CPLANE1: variants seen among roughly 807,000 people sequenced by gnomAD.
CPLANE1 encodes the protein ciliogenesis and planar polarity effector complex subunit 1.
Under a neutral mutation model 362.5 loss-of-function variants are expected in CPLANE1, and 263 were observed. The observed-to-expected ratio is 0.73, with a 90% CI of 0.66 to 0.80. The LOEUF (loss-of-function observed/expected upper bound fraction) is 0.80. CPLANE1 is among the 30% of genes least tolerant of loss of function. CPLANE1 has a pLI of 0.00. For missense variants in CPLANE1, 3,461 were observed against 3,793.4 expected, an observed-to-expected ratio of 0.91 and a Z score of 2.30; for synonymous variants, 1,212 against 1,302.6, an observed-to-expected ratio of 0.93 and a Z score of 1.50.
chr5:37,141,200 T>C, intron 44 of CPLANE1: 5 of 985,392 alleles, frequency 5.1e-6, no homozygotes, highest in Non-Finnish European at 6.0e-6. Flanking sequence ...ATTCTATTTT[T>C]CCTCAAAACC....
chr5:37,234,503 A>T (rs1798489755), intron 8 of CPLANE1, among the ~76,000 whole-genome samples: 1 of 149,626 alleles, frequency 6.7e-6, no homozygotes, highest in Admixed American at 6.6e-5. Flanking sequence ...GACAAAAATA[A>T]GAAAAAAAAA....
chr5:37,247,888 C>T, intron 1 of CPLANE1, 143 bp from the exon 2 acceptor site: 1 of 483,938 alleles, frequency 2.1e-6, no homozygotes, highest in Non-Finnish European at 3.4e-6. Context: ...ACCTCCGCCT[C>T]CCGGATTCAA....
At chr5:37,146,392 T>C (rs1771596952) in intron 43 of CPLANE1, among the ~76,000 whole-genome samples, 2 of 152,112 alleles carry the variant, frequency 1.3e-5, no homozygotes, top group Non-Finnish European at 1.5e-5. Context: ...TTGGCCAGGC[T>C]GGTTTCGAAC....
the CPLANE1 span, among the ~76,000 whole-genome samples, chr5:37,088,796 G>A: frequency 2.6e-5 from 4 of 152,100 alleles, no homozygotes; most frequent in Admixed American, 6.5e-5. Flanking sequence ...GGTTGCAACC[G>A]GGATCTGGGG....
At chr5:37,123,948 C>CACAA (rs1370161802) in intron 47 of CPLANE1, among the ~76,000 whole-genome samples, 1 of 151,794 alleles carries the variant, frequency 6.6e-6, no homozygotes, top group African/African-American at 2.4e-5. Context: ...CACACACACA[C>CACAA]ACACACACAC....
At position 37,175,898 on chromosome 5, in the gene CPLANE1, A is replaced by C; in HGVS notation, c.5978+11T>G. ...CTATTTTTAAATGGTATAGTAGGCA[A>C]AACTTCTTACCTAGAAATTTCTGAA... On this transcript the variant is annotated intron_variant, in intron 31 of 52. Coordinates refer to ENST00000651892, the MANE Select transcript of CPLANE1 (RefSeq NM_001384732.1). 2 of 1,600,924 alleles carry C rather than the reference A, an allele frequency of 1.2e-6. No individual in the cohort carries two copies. The highest frequency in any genetic ancestry group is 8.6e-7 in the Non-Finnish European group (1 of 1,168,772).
the CPLANE1 span, among the ~76,000 whole-genome samples, chr5:37,093,437 C>CGTGTTGTT: frequency 6.6e-6 from 1 of 152,070 alleles, no homozygotes; most frequent in African/African-American, 2.4e-5. Context: ...TGAAACAACA[C>CGTGTTGTT]CTCTGGGGAA....
intron 43 of CPLANE1, among the ~76,000 whole-genome samples, chr5:37,144,837 C>G (rs1341989856): frequency 2.9e-5 from 4 of 139,174 alleles, no homozygotes; most frequent in Non-Finnish European, 6.1e-5. Flanking sequence ...GGTGACAGAG[C>G]GAGACTCTGT....
chr5:37,112,633 T>G (rs1048332156), intron 51 of CPLANE1, among the ~76,000 whole-genome samples: 1 of 152,188 alleles, frequency 6.6e-6, no homozygotes, highest in Non-Finnish European at 1.5e-5. Context: ...CACCAAACAG[T>G]GTCTACAGAG....
At chr5:37,228,503 C>A (rs1796953234) in intron 9 of CPLANE1, among the ~76,000 whole-genome samples, 1 of 152,052 alleles carries the variant, frequency 6.6e-6, no homozygotes, top group Non-Finnish European at 1.5e-5. Flanking sequence ...ATACACCCCA[C>A]AGACTTCTGT....
chr5:37,223,856 C>T (rs532199196), intron 14 of CPLANE1, among the ~76,000 whole-genome samples: 2 of 145,836 alleles, frequency 1.4e-5, no homozygotes, highest in East Asian at 4.1e-4. Context: ...CTCTAAATGA[C>T]AAAAAAAAAA....
intron 41 of CPLANE1, 82 bp downstream of exon 41, chr5:37,157,231 T>C: frequency 1.3e-6 from 1 of 756,904 alleles, no homozygotes; most frequent in Non-Finnish European, 2.0e-6. Flanking sequence ...CTGGTTTCTT[T>C]TGCAATTACC....
In CPLANE1 at chr5:37,121,805, A is replaced by G. The variant is rs368643781; in HGVS notation, c.9018-21T>C. 32 of 1,600,772 alleles carry G rather than the reference A, an allele frequency of 2.0e-5. No individual in the cohort carries two copies. The African/African-American group carries it at 4.0e-4, about 20-fold the overall frequency. ...GCAATCTGTAGACAAAGAATTAAGC[A>G]TCATTTATTAAGAGTCACTTTCAGT... On this transcript the variant is annotated intron_variant, in intron 48 of 52. Coordinates refer to ENST00000651892, the MANE Select transcript of CPLANE1 (RefSeq NM_001384732.1).
At chr5:37,111,312 G>A (rs1384042725) in intron 51 of CPLANE1, among the ~76,000 whole-genome samples, 1 of 150,502 alleles carries the variant, frequency 6.6e-6, no homozygotes, top group East Asian at 1.9e-4. Context: ...TTTTAGTAGA[G>A]ACGGGGTTTC....
At chr5:37,182,475 T>C (rs982228389) in intron 26 of CPLANE1, among the ~76,000 whole-genome samples, 4 of 152,180 alleles carry the variant, frequency 2.6e-5, no homozygotes, top group East Asian at 1.9e-4. Context: ...AGAAATAATA[T>C]ACGTGTAATA....
chr5:37,160,271 C>G (rs1184538324), intron 38 of CPLANE1, among the ~76,000 whole-genome samples: 1 of 152,082 alleles, frequency 6.6e-6, no homozygotes, highest in Non-Finnish European at 1.5e-5. Flanking sequence ...GAATGTTTCT[C>G]AGTTCCGATG....
chr5:37,209,711 A>T lies in CPLANE1; in HGVS notation c.2921-3286T>A. 1 of 1,240,434 alleles carries T rather than the reference A, an allele frequency of 8.1e-7. No individual in the cohort carries two copies. The highest frequency in any genetic ancestry group is 1.2e-6 in the Non-Finnish European group (1 of 841,864). The allele number at this position is 1,240,434 out of a possible 1,614,324, so 76.8% of individuals were successfully genotyped here. A position where few individuals can be genotyped will look rare whatever the true frequency, so the allele number is the denominator to read the frequency against. On this transcript the variant is annotated intron_variant, in intron 16 of 52. Transcript: ENST00000651892. This position sits in a 1 kb window ranked among gnomAD's most constrained non-coding sequence, Gnocchi z 4.6. ...TGCAGGATCTATTACAACTCATTAA[A>T]ATCAACCCTACTTCCAGTCTGTACA...
intron 10 of CPLANE1, 75 bp from the exon 11 acceptor site, chr5:37,227,467 T>C: frequency 1.4e-6 from 2 of 1,478,740 alleles, no homozygotes; most frequent in Non-Finnish European, 9.0e-7. Flanking sequence ...TTAAAAATTC[T>C]ATAGACAACT....
At chr5:37,078,764 G>C in the CPLANE1 span, among the ~76,000 whole-genome samples, 6 of 151,758 alleles carry the variant, frequency 4.0e-5, no homozygotes, top group South Asian at 1.0e-3. Context: ...ACTGGTGTGA[G>C]ATGGTATTTC....
Sources: gnomAD v4.1 joint callset for allele counts (sites outside exome capture counted in the v4.1 genomes callset) on GRCh38, gnomAD v4.1.1 for gene constraint, Gnocchi (gnomAD v3.1) non-coding constraint, MANE v1.5 for transcripts, NCBI Gene and HGNC (gene_info 2026-07-23, HGNC 2026-07-21) for gene names.